The following INPP4B variants were observed in gnomAD, a reference collection of about 807,000 sequenced individuals.
INPP4B encodes inositol polyphosphate 4-phosphatase type II.
Under a neutral mutation model 122.5 loss-of-function variants are expected in INPP4B, and 55 were observed. That is an observed-to-expected ratio of 0.45 (90% CI 0.36 to 0.56). The LOEUF is 0.56. Ranked by LOEUF, INPP4B falls within the 20% of genes least tolerant of loss-of-function variation. The pLI is 0.00. For synonymous variants in INPP4B, 403 were observed against 388.7 expected (o/e 1.04, Z -0.43); for missense variants, 1,000 against 1,097.7 (o/e 0.91, Z 1.26).
At chr4:142,660,071 G>A (rs1325990019) in intron 2 of INPP4B, among the ~76,000 whole-genome samples, 1 of 152,182 alleles carries the variant, frequency 6.6e-6, no homozygotes, top group Non-Finnish European at 1.5e-5. Context: ...CATGGATAAA[G>A]ACCACGTTAA....
Position 142,024,525 on chromosome 4 carries a change from AATTT to A in INPP4B, c.*4253_*4256del, listed in dbSNP as rs1279714176. On this transcript the variant is annotated 3_prime_UTR_variant, in exon 26 of 26. Transcript: ENST00000262992. Reference sequence around the variant, plus strand: ...GTTTCCTAAATCTGTGATAAAAGCTAATTTATTTCCTAAAAGACTACAAATGGTG... The same window carrying A: ...GTTTCCTAAATCTGTGATAAAAGCTAATTTCCTAAAAGACTACAAATGGTG... The A allele has an allele frequency of 6.6e-6, 1 of 152,166 alleles. No individual in the cohort carries two copies. The highest frequency in any genetic ancestry group is 2.4e-5 in the African/African-American group (1 of 41,452). 9.4% of individuals were successfully genotyped at this position (152,166 alleles called of 1,614,324 possible).
intron 1 of INPP4B, among the ~76,000 whole-genome samples, chr4:142,816,567 C>A (rs71608496): frequency 0.025 from 3,693 of 149,274 alleles, 78 homozygotes; most frequent in South Asian, 0.072. Context: ...TTAAAAAAAA[C>A]AAATAATAAC....
At chr4:142,537,417 TATATATATATATAGAGAGAGAGAG>T (rs1460850651) in intron 2 of INPP4B, among the ~76,000 whole-genome samples, 59 of 49,676 alleles carry the variant, frequency 1.2e-3, no homozygotes, top group African/African-American at 3.9e-3. Flanking sequence ...TATATATATA[TATATATATATATAGAGAGAGAGAG>T]AGAGAGAGAG....
chr4:142,647,750 T>G (rs939291811), intron 2 of INPP4B, among the ~76,000 whole-genome samples: 3 of 152,256 alleles, frequency 2.0e-5, no homozygotes, highest in Non-Finnish European at 2.9e-5. Flanking sequence ...ACTTCTCCAG[T>G]TTTCTTACAG....
intron 9 of INPP4B, among the ~76,000 whole-genome samples, chr4:142,272,741 G>A (rs542765482): frequency 1.3e-5 from 2 of 152,022 alleles, no homozygotes; most frequent in South Asian, 4.1e-4. Context: ...TCAGTACTTA[G>A]TAGTTAAATA....
chr4:142,581,895 G>A (rs1236079970), intron 2 of INPP4B, among the ~76,000 whole-genome samples: 1 of 151,960 alleles, frequency 6.6e-6, no homozygotes, highest in Non-Finnish European at 1.5e-5. Flanking sequence ...AAGAGGTAAT[G>A]GCTGGCATGA....
chr4:142,307,123 T>C (rs1358258877), intron 8 of INPP4B, among the ~76,000 whole-genome samples: 2 of 152,088 alleles, frequency 1.3e-5, no homozygotes, highest in East Asian at 3.9e-4. Flanking sequence ...GTAGAGTGAA[T>C]CAAGATAAAG....
intron 1 of INPP4B, among the ~76,000 whole-genome samples, chr4:142,838,502 A>G (rs895907350): frequency 6.6e-6 from 1 of 152,192 alleles, no homozygotes; most frequent in African/African-American, 2.4e-5. Flanking sequence ...AATAGCATGA[A>G]TAAATTGGGA....
At chr4:142,727,177 G>A (rs1351538428) in intron 1 of INPP4B, among the ~76,000 whole-genome samples, 1 of 152,166 alleles carries the variant, frequency 6.6e-6, no homozygotes, top group Non-Finnish European at 1.5e-5. Context: ...GAAAAAGATT[G>A]AATAGCAGTA....
At chr4:142,179,016 T>C (rs928556831) in intron 15 of INPP4B, among the ~76,000 whole-genome samples, 1 of 152,034 alleles carries the variant, frequency 6.6e-6, no homozygotes. Context: ...CTTTCCCCAA[T>C]GCACCCTTTC....
chr4:142,816,969 G>GA (rs1236160997), intron 1 of INPP4B, among the ~76,000 whole-genome samples: 1 of 152,086 alleles, frequency 6.6e-6, no homozygotes, highest in African/African-American at 2.4e-5. Flanking sequence ...ACCTTAATTG[G>GA]AAATAGGGTC....
In INPP4B at chr4:142,590,232, C is replaced by G. The variant is rs911828388; in HGVS notation, c.-190-127506G>C. ...GCCTTTTTCAAAACCCATAAAAATT[C>G]ACAGCACAAAAAGTGAAACTTAATG... On this transcript the variant is annotated intron_variant, in intron 2 of 25. Coordinates refer to ENST00000262992, the MANE Select transcript of INPP4B (RefSeq NM_001101669.3). 2.0e-5 allele frequency among the ~76,000 whole-genome samples: 3 copies of G among 152,254 alleles called. No individual in the cohort carries two copies. In the East Asian group the frequency reaches 5.8e-4, roughly 29 times the overall value.
intron 17 of INPP4B, among the ~76,000 whole-genome samples, chr4:142,155,079 G>A (rs1030334587): frequency 6.6e-6 from 1 of 151,460 alleles, no homozygotes. Context: ...ACAAAATTTG[G>A]AAGTAAATGG....
At position 142,501,461 on chromosome 4, in the gene INPP4B, G is replaced by A. The variant is rs550654604; in HGVS notation, c.-190-38735C>T. On this transcript the variant is annotated intron_variant, in intron 2 of 25. Coordinates refer to ENST00000262992, the MANE Select transcript of INPP4B (RefSeq NM_001101669.3). ...ACTTTATTAAATGAAGTGAAGAAGT[G>A]AATTATCACTGCCAGAAACAAAAAC... is the stretch of plus-strand genomic sequence containing the variant. Among the ~76,000 whole-genome samples the A allele has an allele frequency of 8.6e-5, 13 of 151,986 alleles. 1 individual carries two copies. The highest frequency in any genetic ancestry group is 3.1e-4 in the African/African-American group (13 of 41,476).
intron 7 of INPP4B, among the ~76,000 whole-genome samples, chr4:142,363,005 CA>C (rs1204473264): frequency 6.6e-6 from 1 of 151,926 alleles, no homozygotes; most frequent in Non-Finnish European, 1.5e-5. Context: ...ATAACAGCAA[CA>C]AAAATAATGT....
intron 2 of INPP4B, among the ~76,000 whole-genome samples, chr4:142,601,513 C>T (rs1248002367): frequency 6.8e-6 from 1 of 147,560 alleles, no homozygotes; most frequent in Non-Finnish European, 1.5e-5. Context: ...AAAATGGAAA[C>T]ATGACATACC....
chr4:142,721,365 G>C (rs1204922975), intron 2 of INPP4B, among the ~76,000 whole-genome samples: 3 of 152,130 alleles, frequency 2.0e-5, no homozygotes, highest in Non-Finnish European at 4.4e-5. Flanking sequence ...GCACAAAAAT[G>C]CTTTTGTTGG....
intron 7 of INPP4B, among the ~76,000 whole-genome samples, chr4:142,382,579 T>TTA (rs201716089): frequency 4.0e-5 from 4 of 99,348 alleles, no homozygotes; most frequent in East Asian, 2.8e-4. Flanking sequence ...ATATTATATA[T>TTA]TATATATATA....
intron 7 of INPP4B, among the ~76,000 whole-genome samples, chr4:142,399,723 T>C (rs1387859890): frequency 1.3e-5 from 2 of 152,174 alleles, no homozygotes; most frequent in Non-Finnish European, 2.9e-5. Context: ...TTTCAGGCTT[T>C]AAAATTGCCA....
Sources: allele counts gnomAD v4.1 joint callset (sites outside exome capture counted in the v4.1 genomes callset), GRCh38; gene constraint gnomAD v4.1.1; transcripts MANE v1.5; gene names NCBI Gene and HGNC (gene_info 2026-07-23, HGNC 2026-07-21).